Variants in UTS2 observed in about 807,000 individuals in gnomAD.
UTS2 encodes the protein urotensin-2.
In UTS2, 10 loss-of-function variants were observed where a neutral mutation model predicts 12.6. The ratio of observed to expected loss-of-function variants is 0.80; its 90% CI spans 0.49 to 1.35. The LOEUF (loss-of-function observed/expected upper bound fraction) is 1.35, where lower values mean the gene tolerates loss of function less well. UTS2 is among the 40% of genes most tolerant of loss of function. The probability of loss-of-function intolerance (pLI) is 0.00; values close to 1 mark genes in which losing one functional copy is unlikely to be tolerated. For missense variants in UTS2, 142 were observed against 143.2 expected, an observed-to-expected ratio of 0.99 and a Z score of 0.04; for synonymous variants, 52 against 50.0, an observed-to-expected ratio of 1.04 and a Z score of -0.17.
chr1:7,868,635 C>A, the UTS2 span, among the ~76,000 whole-genome samples: 1 of 152,236 alleles, frequency 6.6e-6, no homozygotes, highest in Non-Finnish European at 1.5e-5. Flanking sequence ...TGGCAGTGAG[C>A]AAACAACCTA....
At chr1:7,885,079 T>C in the UTS2 span, among the ~76,000 whole-genome samples, 1 of 148,498 alleles carries the variant, frequency 6.7e-6, no homozygotes, top group African/African-American at 2.5e-5. Context: ...CAGACATCCA[T>C]CCATCCATCC....
At chr1:7,871,904 C>T in the UTS2 span, among the ~76,000 whole-genome samples, 1 of 152,056 alleles carries the variant, frequency 6.6e-6, no homozygotes, top group African/African-American at 2.4e-5. Flanking sequence ...TTCCCTGAGA[C>T]AAACAATATT....
chr1:7,861,302 A>T, the UTS2 span, among the ~76,000 whole-genome samples: 1 of 151,866 alleles, frequency 6.6e-6, no homozygotes, highest in Non-Finnish European at 1.5e-5. Context: ...TGCCTGTTAA[A>T]CCCCTGGGAG....
upstream of UTS2, chr1:7,853,607 C>T (rs565999982): frequency 2.7e-4 from 213 of 779,562 alleles, 1 homozygote; most frequent in South Asian, 4.0e-3. Context: ...TGTACATACA[C>T]GTGGCCTCAT....
the UTS2 span, among the ~76,000 whole-genome samples, chr1:7,906,449 G>GAGAA: frequency 0.16 from 11,838 of 73,104 alleles, 1,142 homozygotes; most frequent in Middle Eastern, 0.19. Context: ...GAAAGAAAAA[G>GAGAA]AGAAAGAAAG....
At chr1:7,853,529 G>T, upstream of UTS2, 1 of 1,491,380 alleles carries the variant, frequency 6.7e-7, no homozygotes, top group Non-Finnish European at 9.0e-7. Flanking sequence ...CGTAAAACCA[G>T]CTATTTCCTT....
intron 2 of UTS2, 71 bp downstream of exon 2, chr1:7,850,741 C>A (rs562999547): frequency 6.8e-7 from 1 of 1,469,796 alleles, no homozygotes; most frequent in Non-Finnish European, 9.5e-7. Context: ...TTTACCTCTT[C>A]TAGATGAGGA....
the UTS2 span, among the ~76,000 whole-genome samples, chr1:7,874,419 C>A: frequency 6.6e-6 from 1 of 152,224 alleles, no homozygotes; most frequent in African/African-American, 2.4e-5. Context: ...GCTCAACAGC[C>A]CCTGCATCTC....
chr1:7,904,903 C>CAAAAAAAAA, the UTS2 span, among the ~76,000 whole-genome samples: 1 of 58,274 alleles, frequency 1.7e-5, no homozygotes, highest in African/African-American at 6.1e-5. Context: ...GACTCTGTCT[C>CAAAAAAAAA]AAAAAAAAAA....
At chr1:7,909,540 C>G in the UTS2 span, among the ~76,000 whole-genome samples, 1 of 106,562 alleles carries the variant, frequency 9.4e-6, no homozygotes, top group Non-Finnish European at 1.9e-5. Flanking sequence ...GAGCAAGACT[C>G]TGTCTCAAAA....
the UTS2 span, among the ~76,000 whole-genome samples, chr1:7,909,709 C>T: frequency 1.3e-5 from 2 of 152,030 alleles, no homozygotes; most frequent in African/African-American, 2.4e-5. Flanking sequence ...CAACCTCTGC[C>T]TCCCAGGTTC....
the UTS2 span, among the ~76,000 whole-genome samples, chr1:7,879,631 C>T: frequency 6.6e-6 from 1 of 152,088 alleles, no homozygotes; most frequent in South Asian, 2.1e-4. Flanking sequence ...GTTCTAGCTA[C>T]TTGGGTGGCT....
the UTS2 span, among the ~76,000 whole-genome samples, chr1:7,868,245 C>T: frequency 5.3e-5 from 8 of 152,268 alleles, no homozygotes; most frequent in South Asian, 2.1e-4. Context: ...ACAGCAGAGT[C>T]GCTACGATAA....
At chr1:7,868,562 C>T in the UTS2 span, among the ~76,000 whole-genome samples, 6 of 152,196 alleles carry the variant, frequency 3.9e-5, no homozygotes, top group Non-Finnish European at 8.8e-5. Context: ...ACACAACCAC[C>T]ACAGTCCACA....
At chr1:7,898,106 A>G in the UTS2 span, among the ~76,000 whole-genome samples, 1 of 152,188 alleles carries the variant, frequency 6.6e-6, no homozygotes, top group East Asian at 1.9e-4. Flanking sequence ...CCATCTGCAA[A>G]TAAGAATGGT....
At chr1:7,886,071 C>CTCAGGTGTAAGGTATCCCAGGTAG in the UTS2 span, among the ~76,000 whole-genome samples, 1 of 152,140 alleles carries the variant, frequency 6.6e-6, no homozygotes, top group South Asian at 2.1e-4. Context: ...ATCCCAGGTA[C>CTCAGGTGTAAGGTATCCCAGGTAG]CCAGGTGTAA....
chr1:7,883,056 C>A, the UTS2 span, among the ~76,000 whole-genome samples: 33 of 152,188 alleles, frequency 2.2e-4, no homozygotes, highest in African/African-American at 7.7e-4. Context: ...GGAAGAAAAT[C>A]AGTACATCAA....
At chr1:7,890,840 G>A in the UTS2 span, among the ~76,000 whole-genome samples, 1 of 105,560 alleles carries the variant, frequency 9.5e-6, no homozygotes, top group African/African-American at 4.2e-5. Flanking sequence ...GACTAAGACT[G>A]TCTCAAAAAA....
the UTS2 span, among the ~76,000 whole-genome samples, chr1:7,859,188 C>T: frequency 1.3e-5 from 2 of 152,138 alleles, no homozygotes; most frequent in Admixed American, 6.5e-5. Context: ...GGGGTCCATT[C>T]TTACTTGTGT....
Sources: gnomAD v4.1 joint callset for allele counts (sites outside exome capture counted in the v4.1 genomes callset) on GRCh38, gnomAD v4.1.1 for gene constraint, MANE v1.5 for transcripts, NCBI Gene and HGNC (gene_info 2026-07-23, HGNC 2026-07-21) for gene names.